PRKAB1: variants seen among roughly 807,000 people sequenced by gnomAD.
PRKAB1 encodes the protein protein kinase AMP-activated non-catalytic subunit beta 1, also known as 5'-AMP-activated protein kinase subunit beta-1.
In PRKAB1, 18 loss-of-function variants were observed where a neutral mutation model predicts 32.0. The observed-to-expected ratio is 0.56, with a 90% CI of 0.39 to 0.83. PRKAB1 has a LOEUF of 0.83. Ranked by LOEUF, PRKAB1 falls within the 40% of genes least tolerant of loss-of-function variation. The pLI is 0.00. For synonymous variants in PRKAB1, 141 were observed against 141.4 expected, an observed-to-expected ratio of 1.00 and a Z score of 0.02; for missense variants, 263 against 352.6, an observed-to-expected ratio of 0.75 and a Z score of 2.03.
Position 119,676,627 on chromosome 12 carries a change from C to T in PRKAB1, c.623C>T (p.Pro208Leu), listed in dbSNP as rs749996019. 5 of 1,613,952 alleles carry T rather than the reference C, an allele frequency of 3.1e-6. No individual in the cohort carries two copies. The highest frequency in any genetic ancestry group is 1.3e-5 in the African/African-American group (1 of 74,906). The change falls in exon 5 of 7, where the codon CCA becomes CTA. Residue 208 changes from proline to leucine, a missense_variant. Physicochemically the swap from Pro to Leu is moderately conservative, Grantham distance 98. Transcript: ENST00000229328. ...ERFRAPPILPPHLLQVILNKD... is the reference protein window; with the variant it reads ...ERFRAPPILPLHLLQVILNKD... ...TTTCGGGCACCCCCTATTCTCCCCC[C>T]ACATCTCCTCCAGGTCATCCTGAAC... is the stretch of plus-strand genomic sequence containing the variant.
At chr12:119,668,618 G>A (rs1316432014) in intron 1 of PRKAB1, among the ~76,000 whole-genome samples, 1 of 152,210 alleles carries the variant, frequency 6.6e-6, no homozygotes, top group Admixed American at 6.5e-5. Flanking sequence ...TCACCCTGAG[G>A]GAGGAGGTGC....
At chr12:119,671,531 C>T in intron 1 of PRKAB1, 1 of 402,490 alleles carries the variant, frequency 2.5e-6, no homozygotes, top group Non-Finnish European at 5.1e-6. Context: ...AGGGGAAATG[C>T]CAGATGCTTA....
rs1139637 is a variant in PRKAB1 at position 119,672,307 on chromosome 12, G to T, written c.166G>T (p.Glu56Ter). ...LFHSEEIKAP[E>*]KEEFLAWQHD... Reference sequence around the variant, plus strand: ...TAAACTGCTCTGCTTCTAGGCACCAGAGAAGGAGGAATTCCTGGCCTGGCA... The same window carrying T: ...TAAACTGCTCTGCTTCTAGGCACCATAGAAGGAGGAATTCCTGGCCTGGCA... The change falls in exon 2 of 7, where the codon GAG becomes TAG. Residue 56 changes from glutamate (E) to a stop codon, truncating the protein, a stop_gained. Coordinates refer to ENST00000229328, the MANE Select transcript of PRKAB1 (RefSeq NM_006253.5). LOFTEE classifies it high-confidence loss of function. 6.2e-7 allele frequency: 1 copy of T among 1,606,444 alleles called. No individual in the cohort carries two copies. The highest frequency in any genetic ancestry group is 1.3e-5 in the African/African-American group (1 of 74,650).
intron 5 of PRKAB1, among the ~76,000 whole-genome samples, chr12:119,677,072 G>A (rs945485609): frequency 1.3e-5 from 2 of 152,164 alleles, no homozygotes; most frequent in Non-Finnish European, 2.9e-5. Flanking sequence ...GGATATCTAG[G>A]TAACACACAT....
chr12:119,674,395 CTGACTT>C lies in PRKAB1; in HGVS notation c.477_482del (p.Asp159_Phe160del). The C allele has an allele frequency of 6.2e-7, 1 of 1,614,208 alleles. No homozygotes were observed. The highest frequency in any genetic ancestry group is 8.5e-7 in the Non-Finnish European group (1 of 1,180,018). ...AACAACATCATTCAAGTGAAGAAAACTGACTTTGAAGTATTTGATGCTTTAATGGTG... is the reference window on the plus strand; with the variant it reads ...AACAACATCATTCAAGTGAAGAAAACTGAAGTATTTGATGCTTTAATGGTG... On this transcript the variant is annotated inframe_deletion, in exon 4 of 7. Coordinates refer to ENST00000229328, the MANE Select transcript of PRKAB1 (RefSeq NM_006253.5). This position sits in a 1 kb window ranked among gnomAD's most constrained non-coding sequence, Gnocchi z 4.3.
Position 119,676,628 on chromosome 12 carries a change from A to C in PRKAB1, c.624A>C (p.Pro208=), listed in dbSNP as rs1171719869. The C allele has an allele frequency of 5.6e-6, 9 of 1,612,420 alleles. No individual in the cohort carries two copies. The highest frequency in any genetic ancestry group is 2.7e-5 in the African/African-American group (2 of 74,392). ...TTCGGGCACCCCCTATTCTCCCCCCACATCTCCTCCAGGTCATCCTGAACA... is the reference window on the plus strand; with the variant it reads ...TTCGGGCACCCCCTATTCTCCCCCCCCATCTCCTCCAGGTCATCCTGAACA... ...ERFRAPPILP[P]HLLQVILNKD... Residue 208 remains proline (P), a synonymous_variant, in exon 5 of 7, where the codon CCA becomes CCC. Transcript: ENST00000229328.
In PRKAB1 at chr12:119,679,638, C is replaced by T. The variant is rs1478532108; in HGVS notation, c.667-295C>T. ...GTTAATAGCTGCTTTCTTCCTGCCC[C>T]ACCCTCCATAAGAGGACAGGGCCGT... On this transcript the variant is annotated intron_variant, in intron 5 of 6. Coordinates refer to ENST00000229328, the MANE Select transcript of PRKAB1 (RefSeq NM_006253.5). This position sits in a 1 kb window ranked among gnomAD's most constrained non-coding sequence, Gnocchi z 4.1. 4 of 421,138 alleles carry T rather than the reference C, an allele frequency of 9.5e-6. No individual in the cohort carries two copies. The highest frequency in any genetic ancestry group is 2.0e-5 in the African/African-American group (1 of 49,360). The allele number at this position is 421,138 out of a possible 1,614,324, so 26.1% of individuals were successfully genotyped here.
intron 4 of PRKAB1, 23 bp from the exon 5 acceptor site, chr12:119,676,513 AG>A: frequency 4.4e-6 from 7 of 1,576,206 alleles, no homozygotes; most frequent in Non-Finnish European, 6.1e-6. Context: ...TTCAAAGTAA[AG>A]TCCTGTTACC....
At position 119,679,822 on chromosome 12, in the gene PRKAB1, G is replaced by T; in HGVS notation, c.667-111G>T. 1 of 1,170,190 alleles carries T rather than the reference G, an allele frequency of 8.5e-7. No homozygotes were observed. The highest frequency in any genetic ancestry group is 1.7e-5 in the Admixed American group (1 of 57,600). 72.5% of individuals were successfully genotyped at this position (1,170,190 alleles called of 1,614,324 possible). A position where few individuals can be genotyped will look rare whatever the true frequency, so the allele number is the denominator to read the frequency against. On this transcript the variant is annotated intron_variant, in intron 5 of 6. Coordinates refer to ENST00000229328, the MANE Select transcript of PRKAB1 (RefSeq NM_006253.5). The surrounding 1 kb of genome is among the most constrained non-coding windows in gnomAD (Gnocchi z 4.1). ...TTGCGCTGCCTGATTTGGGAAGAGA[G>T]GTCGGCCTGAGCGCTGCCTCCTGTC... is the stretch of plus-strand genomic sequence containing the variant.
chr12:119,670,756 G>A (rs995353256), intron 1 of PRKAB1, among the ~76,000 whole-genome samples: 1 of 152,174 alleles, frequency 6.6e-6, no homozygotes, highest in African/African-American at 2.4e-5. Flanking sequence ...AAAAAGTCGT[G>A]AATTCTTTTA....
chr12:119,681,057 T>C lies in PRKAB1; in HGVS notation c.*732T>C, dbSNP rs112203668. On this transcript the variant is annotated 3_prime_UTR_variant, in exon 7 of 7. Coordinates refer to ENST00000229328, the MANE Select transcript of PRKAB1 (RefSeq NM_006253.5). ...AATAATCTGTTCTCAGAACAGACTT[T>C]TCAACCTGCTGCCGGATTTCTCCAT... is the stretch of plus-strand genomic sequence containing the variant. The C allele has an allele frequency of 6.6e-3, 1,007 of 152,704 alleles. 6 individuals are homozygous for C. The highest frequency in any genetic ancestry group is 0.023 in the African/African-American group (946 of 41,550). 9.5% of individuals were successfully genotyped at this position (152,704 alleles called of 1,614,324 possible).
In PRKAB1 at chr12:119,669,123, AAAATAT is replaced by A. The variant is rs1333586166; in HGVS notation, c.159+726_159+731del. On this transcript the variant is annotated intron_variant, in intron 1 of 6. Transcript: ENST00000229328. ...CAGAGCTAGACTTCGTCTCAAAAAA[AAAATAT>A]AAATAAAAATAAAAAAGACGGTGGT... is the stretch of plus-strand genomic sequence containing the variant. 4.7e-5 allele frequency among the ~76,000 whole-genome samples: 7 copies of A among 149,818 alleles called. No homozygotes were observed. The East Asian group carries it at 7.9e-4, about 17-fold the overall frequency.
chr12:119,670,838 T>C (rs180682325), intron 1 of PRKAB1, among the ~76,000 whole-genome samples: 1 of 152,356 alleles, frequency 6.6e-6, no homozygotes, highest in Admixed American at 6.5e-5. Flanking sequence ...TGTTATTTAA[T>C]ATGTAGATCT....
intron 5 of PRKAB1, among the ~76,000 whole-genome samples, chr12:119,677,068 CT>C (rs1955431290): frequency 6.6e-6 from 1 of 152,230 alleles, no homozygotes; most frequent in East Asian, 1.9e-4. Context: ...TTTGGGATAT[CT>C]AGGTAACACA....
In PRKAB1 at chr12:119,679,578, G is replaced by A; in HGVS notation, c.667-355G>A. 1 of 319,258 alleles carries A rather than the reference G, an allele frequency of 3.1e-6. No individual in the cohort carries two copies. Among genetic ancestry groups the A allele is most frequent in the East Asian group, 7.7e-5 (1 of 12,976 alleles). The allele number at this position is 319,258 out of a possible 1,614,324, so 19.8% of individuals were successfully genotyped here. On this transcript the variant is annotated intron_variant, in intron 5 of 6. Coordinates refer to ENST00000229328, the MANE Select transcript of PRKAB1 (RefSeq NM_006253.5). The surrounding 1 kb of genome is among the most constrained non-coding windows in gnomAD (Gnocchi z 4.1). ...AATCCATTGCTCAGGAGCGTTTAGT[G>A]CAGATGGTCTCTTCCTGTGTTCTCT...
rs1022108119 is a variant in PRKAB1 at position 119,679,715 on chromosome 12, G to A, written c.667-218G>A. 6.3e-5 allele frequency: 35 copies of A among 554,142 alleles called. No homozygotes were observed. Among genetic ancestry groups the A allele is most frequent in the South Asian group, 4.1e-4 (21 of 51,526 alleles). The allele number at this position is 554,142 out of a possible 1,614,324, so 34.3% of individuals were successfully genotyped here. On this transcript the variant is annotated intron_variant, in intron 5 of 6. Coordinates refer to ENST00000229328, the MANE Select transcript of PRKAB1 (RefSeq NM_006253.5). This position sits in a 1 kb window ranked among gnomAD's most constrained non-coding sequence, Gnocchi z 4.1. ...AAATGCCTGGCCAGAGACACACACC[G>A]ATGCCTCCAGCAGGCATGCAGGGAG...
At chr12:119,676,081 G>A (rs1955421860) in intron 4 of PRKAB1, among the ~76,000 whole-genome samples, 1 of 152,140 alleles carries the variant, frequency 6.6e-6, no homozygotes, top group Non-Finnish European at 1.5e-5. Flanking sequence ...TTTCTCCACG[G>A]CCTCTGTGTA....
At position 119,673,894 on chromosome 12, in the gene PRKAB1, G is replaced by C. The variant is rs1955404645; in HGVS notation, c.324-70G>C. ...TTATGTGGAAACGTTTTGTTCTGTAGCTGGTTTGGCAAGTAAGCTCGGGGG... is the reference window on the plus strand; with the variant it reads ...TTATGTGGAAACGTTTTGTTCTGTACCTGGTTTGGCAAGTAAGCTCGGGGG... On this transcript the variant is annotated intron_variant, in intron 2 of 6. Transcript: ENST00000229328. 2.3e-6 allele frequency: 3 copies of C among 1,282,642 alleles called. No individual in the cohort carries two copies. The Admixed American group carries it at 6.0e-5, about 26-fold the overall frequency. The allele number at this position is 1,282,642 out of a possible 1,614,324, so 79.5% of individuals were successfully genotyped here. A position where few individuals can be genotyped will look rare whatever the true frequency, so the allele number is the denominator to read the frequency against.
Position 119,681,263 on chromosome 12 carries a change from C to A in PRKAB1, c.*938C>A, listed in dbSNP as rs572653846. On this transcript the variant is annotated 3_prime_UTR_variant, in exon 7 of 7. Transcript: ENST00000229328. ...GGCACCTTGCTCAGGACCTCTGCCCCTAGTTAGCAAGACTGCAGCAGTTGC... is the reference window on the plus strand; with the variant it reads ...GGCACCTTGCTCAGGACCTCTGCCCATAGTTAGCAAGACTGCAGCAGTTGC... The A allele has an allele frequency of 2.0e-5, 3 of 152,370 alleles. No homozygotes were observed. The highest frequency in any genetic ancestry group is 2.0e-4 in the Admixed American group (3 of 15,306). 9.4% of individuals were successfully genotyped at this position (152,370 alleles called of 1,614,324 possible).
Sources: gnomAD v4.1 joint callset for allele counts (sites outside exome capture counted in the v4.1 genomes callset) on GRCh38, gnomAD v4.1.1 for gene constraint, Gnocchi (gnomAD v3.1) non-coding constraint, MANE v1.5 for transcripts, NCBI Gene and HGNC (gene_info 2026-07-23, HGNC 2026-07-21) for gene names.